The following PXMP2 variants were observed in gnomAD, a reference collection of about 807,000 sequenced individuals.
PXMP2 encodes the protein peroxisomal membrane protein 2.
PXMP2 carries 13 observed loss-of-function variants against 20.2 expected under a neutral mutation model. The observed-to-expected ratio is 0.64, with a 90% CI of 0.42 to 1.02. PXMP2 has a LOEUF of 1.02. Ranked by LOEUF, PXMP2 falls within the 50% of genes least tolerant of loss-of-function variation. PXMP2 has a pLI of 0.00. For missense variants in PXMP2, 284 were observed against 251.8 expected (o/e 1.13, Z -0.87); for synonymous variants, 113 against 111.2 (o/e 1.02, Z -0.10).
At chr12:132,699,526 CTTTTTTT>C (rs67730658) in intron 3 of PXMP2, among the ~76,000 whole-genome samples, 32 of 100,520 alleles carry the variant, frequency 3.2e-4, no homozygotes, top group Admixed American at 1.2e-4. Context: ...AAAAGACATG[CTTTTTTT>C]TTTTTTTTTT....
chr12:132,691,108 G>T (rs2043363720), intron 2 of PXMP2, among the ~76,000 whole-genome samples: 1 of 149,982 alleles, frequency 6.7e-6, no homozygotes, highest in Non-Finnish European at 1.5e-5. Flanking sequence ...CTGGAGTGCG[G>T]TGGCGCGATC....
chr12:132,694,013 C>A (rs1593105957), intron 2 of PXMP2, among the ~76,000 whole-genome samples: 2 of 110,808 alleles, frequency 1.8e-5, no homozygotes, highest in Non-Finnish European at 4.2e-5. Context: ...TAGTGAGCTC[C>A]CTTAGCCAGT....
intron 2 of PXMP2, among the ~76,000 whole-genome samples, chr12:132,693,780 T>TA (rs199842117): frequency 7.0e-4 from 66 of 94,170 alleles, no homozygotes; most frequent in Non-Finnish European, 1.0e-3. Flanking sequence ...TGAGCGCCCT[T>TA]GCCAGTTAGT....
At chr12:132,699,677 G>A (rs1048282713) in intron 3 of PXMP2, among the ~76,000 whole-genome samples, 1 of 151,846 alleles carries the variant, frequency 6.6e-6, no homozygotes, top group Non-Finnish European at 1.5e-5. Flanking sequence ...TTACAGGCGT[G>A]AGCCACCGTG....
intron 2 of PXMP2, among the ~76,000 whole-genome samples, chr12:132,693,594 TGCC>T (rs1565991012): frequency 4.8e-3 from 313 of 64,598 alleles, no homozygotes; most frequent in Non-Finnish European, 7.4e-3. Flanking sequence ...TGAGCGCCCT[TGCC>T]AGTTAGTTAG....
chr12:132,701,100 G>A (rs1014041039), intron 3 of PXMP2, 150 bp from the exon 4 acceptor site: 49 of 1,091,222 alleles, frequency 4.5e-5, no homozygotes, highest in African/African-American at 3.7e-4. Flanking sequence ...CCTTAGAGCC[G>A]CAGTGCTGAG....
chr12:132,701,665 C>T (rs1593109950), intron 4 of PXMP2: 1 of 387,404 alleles, frequency 2.6e-6, no homozygotes, highest in East Asian at 6.6e-5. Context: ...TAAAAGCCCC[C>T]ATGCCAGGGA....
At position 132,704,967 on chromosome 12, in the gene PXMP2, G is replaced by A. The variant is rs886998757; in HGVS notation, c.*280G>A. 19 of 520,364 alleles carry A rather than the reference G, an allele frequency of 3.7e-5. No homozygotes were observed. The highest frequency in any genetic ancestry group is 2.5e-4 in the African/African-American group (13 of 51,068). 32.2% of individuals were successfully genotyped at this position (520,364 alleles called of 1,614,324 possible). On this transcript the variant is annotated 3_prime_UTR_variant, in exon 5 of 5. Transcript: ENST00000317479. ...GGACCGAATTAGGATCACAATAAAC[G>A]ATAATGCAGGTTCTTCAATGGTGAC...
intron 2 of PXMP2, among the ~76,000 whole-genome samples, chr12:132,692,100 G>T (rs945488996): frequency 3.2e-4 from 45 of 141,196 alleles, no homozygotes; most frequent in African/African-American, 1.0e-3. Context: ...GTTAGTGAGC[G>T]CCCTTGCCAG....
At chr12:132,687,903 C>T in intron 1 of PXMP2, 111 bp downstream of exon 1, 1 of 1,010,094 alleles carries the variant, frequency 9.9e-7, no homozygotes, top group Non-Finnish European at 1.2e-6. Flanking sequence ...GCGCCCGGGT[C>T]AGAACCCCCG....
intron 2 of PXMP2, among the ~76,000 whole-genome samples, chr12:132,692,986 TCCCTTGCCAGTTAGTGAGCG>T (rs1471082922): frequency 2.8e-5 from 2 of 72,026 alleles, no homozygotes; most frequent in African/African-American, 4.5e-5. Flanking sequence ...GTTAGTGAGC[TCCCTTGCCAGTTAGTGAGCG>T]CCCTTGCCAG....
intron 1 of PXMP2, 61 bp from the exon 2 acceptor site, chr12:132,690,202 A>G (rs577480121): frequency 5.8e-6 from 8 of 1,375,010 alleles, no homozygotes; most frequent in African/African-American, 5.8e-5. Context: ...TAATTCACCT[A>G]TGGGAAAGGG....
At chr12:132,698,138 T>C (rs937233711) in intron 3 of PXMP2, among the ~76,000 whole-genome samples, 6 of 151,586 alleles carry the variant, frequency 4.0e-5, no homozygotes, top group African/African-American at 7.3e-5. Context: ...GCCTCCCAAA[T>C]AGCTGGGATT....
At chr12:132,702,572 G>A (rs568201330) in intron 4 of PXMP2, 5 of 266,894 alleles carry the variant, frequency 1.9e-5, no homozygotes, top group Non-Finnish European at 3.8e-5. Flanking sequence ...AAGGTATGCC[G>A]CCCATCAGGG....
In PXMP2 at chr12:132,687,682, C is replaced by T. The variant is rs1196861260; in HGVS notation, c.12C>T (p.Ala4=). 13 of 1,175,860 alleles carry T rather than the reference C, an allele frequency of 1.1e-5. No individual in the cohort carries two copies. Among genetic ancestry groups the T allele is most frequent in the East Asian group, 4.1e-5 (1 of 24,322 alleles). The allele number at this position is 1,175,860 out of a possible 1,614,324, so 72.8% of individuals were successfully genotyped here. MAP[A]ASRLRAEAGL... Reference sequence around the variant, plus strand: ...GCGCTGGGGAGGCGATGGCGCCGGCCGCGTCCAGGCTGCGGGCCGAAGCCG... The same window carrying T: ...GCGCTGGGGAGGCGATGGCGCCGGCTGCGTCCAGGCTGCGGGCCGAAGCCG... The change falls in exon 1 of 5, where the codon GCC becomes GCT. Residue 4 remains alanine, a synonymous_variant. Transcript: ENST00000317479.
intron 3 of PXMP2, among the ~76,000 whole-genome samples, chr12:132,699,889 G>T (rs1010843478): frequency 6.6e-6 from 1 of 152,078 alleles, no homozygotes; most frequent in African/African-American, 2.4e-5. Context: ...GCCCAGTAGT[G>T]GGATTGCTGG....
intron 1 of PXMP2, among the ~76,000 whole-genome samples, chr12:132,689,470 G>A (rs868196804): frequency 2.0e-5 from 3 of 152,204 alleles, no homozygotes; most frequent in African/African-American, 7.2e-5. Context: ...GGAGAGAGGT[G>A]CAGCTTGGAC....
chr12:132,704,080 G>A (rs1593110972), intron 4 of PXMP2, among the ~76,000 whole-genome samples: 2 of 152,122 alleles, frequency 1.3e-5, no homozygotes, highest in South Asian at 2.1e-4. Context: ...TCGGAGACGC[G>A]GCGATTAACC....
intron 2 of PXMP2, among the ~76,000 whole-genome samples, chr12:132,694,762 T>G (rs889902996): frequency 3.8e-5 from 5 of 129,990 alleles, no homozygotes; most frequent in African/African-American, 1.5e-4. Context: ...CTTAGTCAGT[T>G]AGTGAGTGCC....
Sources: gnomAD v4.1 joint callset for allele counts (sites outside exome capture counted in the v4.1 genomes callset) on GRCh38, gnomAD v4.1.1 for gene constraint, MANE v1.5 for transcripts, NCBI Gene and HGNC (gene_info 2026-07-23, HGNC 2026-07-21) for gene names.